The following C11orf65 variants were observed in gnomAD, a reference collection of about 807,000 sequenced individuals.
The protein encoded by C11orf65 is chromosome 11 open reading frame 65, also known as protein MFI.
Under a neutral mutation model 35.3 loss-of-function variants are expected in C11orf65, and 38 were observed. The ratio of observed to expected loss-of-function variants is 1.08; its 90% CI spans 0.83 to 1.41. C11orf65 has a LOEUF of 1.41. Ranked by LOEUF, C11orf65 falls within the 40% of genes most tolerant of loss-of-function variation. The pLI, the probability that C11orf65 is intolerant of heterozygous loss-of-function variation, is 0.00. For synonymous variants in C11orf65, 105 were observed against 114.4 expected (o/e 0.92, Z 0.53); for missense variants, 370 against 367.1 (o/e 1.01, Z -0.06).
At chr11:108,336,139 G>GA in intron 2 of C11orf65, 1 of 405,166 alleles carries the variant, frequency 2.5e-6, no homozygotes, top group Non-Finnish European at 4.5e-6. Context: ...TTGACAAAAA[G>GA]TTAAAAAAAA....
At chr11:108,402,313 G>C (rs955310650) in intron 6 of C11orf65, among the ~76,000 whole-genome samples, 3 of 152,170 alleles carry the variant, frequency 2.0e-5, no homozygotes, top group Non-Finnish European at 4.4e-5. Context: ...AAGATTCTTA[G>C]CCTTGTGTAT....
rs1366505478 is a variant in C11orf65 at position 108,349,914 on chromosome 11, G to A, written c.227-14622C>T. On this transcript the variant is annotated intron_variant, in intron 2 of 3. Coordinates refer to the C11orf65 transcript ENST00000524755. Reference sequence around the variant, plus strand: ...GCATGTTAGCTTTTCTGCTGAGAGAGAAGGAAAAGTGATGCCAATAGGAAA... The same window carrying A: ...GCATGTTAGCTTTTCTGCTGAGAGAAAAGGAAAAGTGATGCCAATAGGAAA... Among the ~76,000 whole-genome samples, 4 of 152,180 alleles carry A rather than the reference G, an allele frequency of 2.6e-5. No individual in the cohort carries two copies. In the East Asian group the frequency reaches 5.8e-4, roughly 22 times the overall value.
chr11:108,319,370 G>C (rs1187106158), intron 6 of C11orf65, among the ~76,000 whole-genome samples: 1 of 151,836 alleles, frequency 6.6e-6, no homozygotes, highest in African/African-American at 2.4e-5. Context: ...GTGTTTTCTT[G>C]TCAGGCCAAG....
At chr11:108,367,915 T>G (rs1474490372) in intron 2 of C11orf65, 3 of 206,356 alleles carry the variant, frequency 1.5e-5, no homozygotes, top group African/African-American at 6.8e-5. Flanking sequence ...GGAAATGCAG[T>G]AAACTTAAAA....
At chr11:108,462,985 G>C (rs1247196142) in intron 1 of C11orf65, among the ~76,000 whole-genome samples, 14 of 152,102 alleles carry the variant, frequency 9.2e-5, no homozygotes, top group Non-Finnish European at 2.1e-4. Context: ...CAAAAAGCTG[G>C]GCAGGTTGGC....
At chr11:108,368,498 G>A (rs573692593) in intron 2 of C11orf65, 59 of 214,928 alleles carry the variant, frequency 2.7e-4, no homozygotes, top group African/African-American at 1.2e-3. Context: ...ATACACTGCT[G>A]GAGAAATCAG....
intron 2 of C11orf65, among the ~76,000 whole-genome samples, chr11:108,359,228 T>A (rs1419617444): frequency 1.6e-4 from 25 of 151,520 alleles, no homozygotes; most frequent in Admixed American, 1.6e-3. Flanking sequence ...AAGGGATCAA[T>A]TCAACAAGAA....
chr11:108,308,715 A>G (rs909599911), exon 7 of C11orf65: 7 of 324,340 alleles, frequency 2.2e-5, no homozygotes, highest in Non-Finnish European at 2.9e-5. Flanking sequence ...GAGGTGAGTG[A>G]AAAATGAAAT....
At position 108,337,035 on chromosome 11, in the gene C11orf65, C is replaced by T. The variant is rs114938884; in HGVS notation, c.227-1743G>A. ...TATATTTCTAGTTTTCCACTATGAA[C>T]GTGTTTTATTTTTAAAATAATGGCT... On this transcript the variant is annotated intron_variant, in intron 2 of 3. Transcript: ENST00000524755. Among the ~76,000 whole-genome samples the T allele has an allele frequency of 2.5e-3, 385 of 152,140 alleles. 2 individuals are homozygous for T. The highest frequency in any genetic ancestry group is 7.9e-3 in the African/African-American group (330 of 41,512).
At chr11:108,425,539 T>C (rs931891726) in intron 3 of C11orf65, among the ~76,000 whole-genome samples, 1 of 152,150 alleles carries the variant, frequency 6.6e-6, no homozygotes, top group Non-Finnish European at 1.5e-5. Context: ...CAGGACCAGA[T>C]GGATTCACAG....
At chr11:108,412,374 T>A (rs924033524) in intron 3 of C11orf65, among the ~76,000 whole-genome samples, 1 of 151,808 alleles carries the variant, frequency 6.6e-6, no homozygotes, top group African/African-American at 2.4e-5. Flanking sequence ...GATTGAACTA[T>A]ATCAATAACT....
chr11:108,468,014 T>C (rs11212657), upstream of C11orf65, among the ~76,000 whole-genome samples: 4,086 of 152,100 alleles, frequency 0.027, 195 homozygotes, highest in African/African-American at 0.093. Flanking sequence ...TTATTAATAG[T>C]GGCGACAGGG....
chr11:108,436,749 T>C (rs180773959), intron 2 of C11orf65, among the ~76,000 whole-genome samples: 111 of 152,090 alleles, frequency 7.3e-4, no homozygotes, highest in Non-Finnish European at 1.2e-3. Context: ...ACTTTCAGAG[T>C]AGAAACGGTA....
chr11:108,450,690 G>C lies in C11orf65; in HGVS notation c.81+10789C>G, dbSNP rs57129657. Among the ~76,000 whole-genome samples the C allele has an allele frequency of 2.6e-4, 39 of 149,518 alleles. 2 individuals are homozygous for C. Among genetic ancestry groups the C allele is most frequent in the African/African-American group, 8.4e-4 (34 of 40,318 alleles). ...CCTAATGCTAAATGATGAGTTAATG[G>C]GTGCAGTACACCAACACGGCACATG... On this transcript the variant is annotated intron_variant, in intron 2 of 8. Coordinates refer to ENST00000393084, the MANE Select transcript of C11orf65 (RefSeq NM_152587.5).
At chr11:108,435,024 G>A (rs151055607) in intron 2 of C11orf65, among the ~76,000 whole-genome samples, 3 of 152,172 alleles carry the variant, frequency 2.0e-5, no homozygotes, top group Non-Finnish European at 2.9e-5. Context: ...AGACTAGGAC[G>A]ACATCCTCTA....
At position 108,353,410 on chromosome 11, in the gene C11orf65, G is replaced by A. The variant is rs577721258; in HGVS notation, c.227-18118C>T. Among the ~76,000 whole-genome samples, 4 of 152,150 alleles carry A rather than the reference G, an allele frequency of 2.6e-5. No individual in the cohort carries two copies. The East Asian group carries it at 7.7e-4, about 29-fold the overall frequency. On this transcript the variant is annotated intron_variant, in intron 2 of 3. Coordinates refer to the C11orf65 transcript ENST00000524755. ...GGTGTCAGGCCTCCTCAGCCTCAAG[G>A]TGCTGGGATTACAGGCGGGAGCCAC...
chr11:108,354,771 T>G, intron 2 of C11orf65: 1 of 1,527,622 alleles, frequency 6.5e-7, no homozygotes, highest in Non-Finnish European at 9.1e-7. Context: ...ACAACATTGG[T>G]GTGTAACAAA....
chr11:108,461,297 G>A (rs2093470846), intron 2 of C11orf65, among the ~76,000 whole-genome samples, 182 bp downstream of exon 2: 1 of 152,082 alleles, frequency 6.6e-6, no homozygotes, highest in African/African-American at 2.4e-5. Flanking sequence ...CTACTGGGGA[G>A]GCTGAGGTGG....
At chr11:108,386,224 C>T (rs1175017295) in intron 7 of C11orf65, among the ~76,000 whole-genome samples, 1 of 152,164 alleles carries the variant, frequency 6.6e-6, no homozygotes, top group Admixed American at 6.5e-5. Flanking sequence ...CTTTCACCTC[C>T]CTCTAGCATG....
Sources: gnomAD v4.1 joint callset for allele counts (sites outside exome capture counted in the v4.1 genomes callset) on GRCh38, gnomAD v4.1.1 for gene constraint, MANE v1.5 for transcripts, NCBI Gene and HGNC (gene_info 2026-07-23, HGNC 2026-07-21) for gene names.